The following INPP4A variants were observed in gnomAD, a reference collection of about 807,000 sequenced individuals.
INPP4A encodes inositol polyphosphate-4-phosphatase type I A.
A neutral mutation model predicts 119.8 loss-of-function variants in INPP4A; 33 were observed. That is an observed-to-expected ratio of 0.28 (90% confidence interval 0.21 to 0.37). The LOEUF is 0.37. INPP4A is among the 10% of genes least tolerant of loss of function. INPP4A has a pLI of 1.00. For missense variants in INPP4A, 956 were observed against 1,289.9 expected, an observed-to-expected ratio of 0.74 and a Z score of 3.97; for synonymous variants, 496 against 500.7, an observed-to-expected ratio of 0.99 and a Z score of 0.12.
chr2:98,567,479 C>T (rs980877879), intron 21 of INPP4A, among the ~76,000 whole-genome samples: 4 of 152,136 alleles, frequency 2.6e-5, no homozygotes, highest in East Asian at 1.9e-4. Context: ...CAGGGAGAGG[C>T]GCAGCCTCAC....
At chr2:98,508,754 G>A in intron 1 of INPP4A, among the ~76,000 whole-genome samples, 1 of 152,226 alleles carries the variant, frequency 6.6e-6, no homozygotes, top group Non-Finnish European at 1.5e-5. Flanking sequence ...GTCCTTGCCT[G>A]TTGTAGGAGA....
At chr2:98,552,667 A>G (rs1025158667) in intron 13 of INPP4A, 119 bp from the exon 14 acceptor site, 18 of 837,440 alleles carry the variant, frequency 2.1e-5, no homozygotes, top group Non-Finnish European at 3.5e-5. Flanking sequence ...AGCTTGAGAG[A>G]ACATCCCTGA....
intron 1 of INPP4A, among the ~76,000 whole-genome samples, chr2:98,492,986 T>C (rs1240183687): frequency 2.6e-5 from 4 of 152,178 alleles, no homozygotes; most frequent in Non-Finnish European, 5.9e-5. Context: ...TCCCCTGATA[T>C]TATGGGCAAT....
intron 13 of INPP4A, among the ~76,000 whole-genome samples, chr2:98,549,125 C>T (rs1693023795): frequency 6.6e-6 from 1 of 152,140 alleles, no homozygotes; most frequent in African/African-American, 2.4e-5. Context: ...CTTCCAACTG[C>T]AATGTTCTTT....
intron 14 of INPP4A, among the ~76,000 whole-genome samples, chr2:98,553,192 A>T (rs748487860): frequency 6.6e-6 from 1 of 152,228 alleles, no homozygotes; most frequent in African/African-American, 2.4e-5. Flanking sequence ...CATGACTCTT[A>T]GGTGCAGCTT....
At chr2:98,511,216 C>T (rs1056822154) in intron 1 of INPP4A, among the ~76,000 whole-genome samples, 3 of 152,134 alleles carry the variant, frequency 2.0e-5, no homozygotes, top group Non-Finnish European at 2.9e-5. Flanking sequence ...CGTGCCACCA[C>T]GCCCAGCTAA....
At chr2:98,475,194 C>T (rs988127371) in intron 1 of INPP4A, among the ~76,000 whole-genome samples, 3 of 152,024 alleles carry the variant, frequency 2.0e-5, no homozygotes, top group Non-Finnish European at 4.4e-5. Flanking sequence ...AGAGAGGGCA[C>T]TTGTGAGATG....
chr2:98,504,637 T>C (rs948196295), intron 1 of INPP4A, among the ~76,000 whole-genome samples: 1 of 152,230 alleles, frequency 6.6e-6, no homozygotes, highest in Non-Finnish European at 1.5e-5. Flanking sequence ...CTGTGATGGT[T>C]GCTTCACATT....
At chr2:98,452,719 A>T (rs565522527) in intron 1 of INPP4A, among the ~76,000 whole-genome samples, 1 of 152,226 alleles carries the variant, frequency 6.6e-6, no homozygotes, top group East Asian at 1.9e-4. Context: ...AGCTCCTCCA[A>T]GCATGGCCTG....
chr2:98,525,744 G>A (rs1574915206), intron 4 of INPP4A, among the ~76,000 whole-genome samples: 2 of 152,190 alleles, frequency 1.3e-5, no homozygotes, highest in African/African-American at 4.8e-5. Context: ...ATAAGCACAT[G>A]TTAAAATGAT....
intron 1 of INPP4A, among the ~76,000 whole-genome samples, chr2:98,452,444 TGGAGAACA>T: frequency 1.3e-5 from 2 of 152,340 alleles, no homozygotes; most frequent in South Asian, 4.1e-4. Context: ...AAGGTCACAT[TGGAGAACA>T]GCTCTTTTAG....
In INPP4A at chr2:98,550,207, C is replaced by G. The variant is rs550768031; in HGVS notation, c.1164-2579C>G. Among the ~76,000 whole-genome samples the G allele has an allele frequency of 1.5e-4, 23 of 152,248 alleles. No individual in the cohort carries two copies. In the East Asian group the frequency reaches 4.2e-3, roughly 28 times the overall value. The stretch of plus-strand genomic sequence containing the variant: ...CTGGTCACCCCTTGCCGTCTCCCCC[C>G]TGCTCCCCATATACAAGACTGTCCC... On this transcript the variant is annotated intron_variant, in intron 13 of 24. Transcript: ENST00000409851.
chr2:98,472,613 G>T (rs1159713351), intron 1 of INPP4A, among the ~76,000 whole-genome samples: 1 of 152,256 alleles, frequency 6.6e-6, no homozygotes, highest in African/African-American at 2.4e-5. Flanking sequence ...AGAGGCCACA[G>T]CACATATGTC....
chr2:98,478,902 T>C (rs1677819624), intron 1 of INPP4A, among the ~76,000 whole-genome samples: 1 of 152,190 alleles, frequency 6.6e-6, no homozygotes, highest in Non-Finnish European at 1.5e-5. Context: ...AGGACTTAAC[T>C]GGAAATAATT....
rs752120058 is a variant in INPP4A, at chr2:98,570,331, C to T, written c.2518+1663C>T. On this transcript the variant is annotated intron_variant, in intron 22 of 24. Transcript: ENST00000409851. This position sits in a 1 kb window ranked among gnomAD's most constrained non-coding sequence, Gnocchi z 4.3. ...GAGGGGCCCCTGCTCTGGGGGACAG[C>T]GAGGAAGAAGGGACTCAACAGAAGG... is the stretch of plus-strand genomic sequence containing the variant. Among the ~76,000 whole-genome samples, 10 of 152,172 alleles carry T rather than the reference C, an allele frequency of 6.6e-5. No homozygotes were observed. Among genetic ancestry groups the T allele is most frequent in the South Asian group, 6.2e-4 (3 of 4,812 alleles).
At position 98,461,295 on chromosome 2, in the gene INPP4A, G is replaced by C. The variant is rs529542614; in HGVS notation, c.-166+16210G>C. On this transcript the variant is annotated intron_variant, in intron 1 of 24. Transcript: ENST00000409851. ...AGAGGAGGCAAACAGAGTGGAAGGA[G>C]ACAAGTCAGAGAAGAAGGAAGTGAA... is the stretch of plus-strand genomic sequence containing the variant. Among the ~76,000 whole-genome samples the C allele has an allele frequency of 3.2e-4, 48 of 152,350 alleles. No individual in the cohort carries two copies. In the South Asian group the frequency reaches 9.9e-3, roughly 32 times the overall value.
chr2:98,481,088 T>G (rs1678335470), intron 1 of INPP4A, among the ~76,000 whole-genome samples: 1 of 152,228 alleles, frequency 6.6e-6, no homozygotes, highest in Non-Finnish European at 1.5e-5. Flanking sequence ...GTTCTTCTGC[T>G]AGTTACCTTT....
chr2:98,459,813 A>G (rs890278229), intron 1 of INPP4A, among the ~76,000 whole-genome samples: 5 of 152,242 alleles, frequency 3.3e-5, no homozygotes, highest in Non-Finnish European at 5.9e-5. Context: ...AGTAGCAAGA[A>G]AAGCCTCAGC....
intron 1 of INPP4A, 30 bp downstream of exon 1, chr2:98,445,115 CG>C (rs1226923723): frequency 6.6e-6 from 1 of 150,420 alleles, no homozygotes; most frequent in African/African-American, 2.4e-5. Context: ...CAGGAGGCGA[CG>C]CGGCCGCCGC....
Sources: allele counts gnomAD v4.1 joint callset (sites outside exome capture counted in the v4.1 genomes callset), GRCh38; gene constraint gnomAD v4.1.1; non-coding constraint Gnocchi (gnomAD v3.1); transcripts MANE v1.5; gene names NCBI Gene and HGNC (gene_info 2026-07-23, HGNC 2026-07-21).